YIF1A: variants seen among roughly 807,000 people sequenced by gnomAD.
YIF1A encodes Yip1 interacting factor homolog A, membrane trafficking protein.
A neutral mutation model predicts 32.6 loss-of-function variants in YIF1A; 28 were observed. The observed-to-expected ratio is 0.86, with a 90% CI of 0.64 to 1.18. The LOEUF (loss-of-function observed/expected upper bound fraction) is 1.18, where lower values mean the gene tolerates loss of function less well. YIF1A is among the 50% of genes most tolerant of loss of function. The pLI is 0.00. For missense variants in YIF1A, 373 were observed against 390.8 expected, an observed-to-expected ratio of 0.95 and a Z score of 0.38; for synonymous variants, 175 against 162.2, an observed-to-expected ratio of 1.08 and a Z score of -0.60.
chr11:66,286,669 G>C (rs1407855636), intron 4 of YIF1A, among the ~76,000 whole-genome samples: 3 of 152,164 alleles, frequency 2.0e-5, no homozygotes, highest in Non-Finnish European at 4.4e-5. Context: ...CCACCAGCGG[G>C]GAGTGTCTGG....
rs1219324861 is a variant in YIF1A, at chr11:66,287,607, A to G, written c.418T>C (p.Tyr140His). Residue 140 changes from tyrosine (Y) to histidine (H), a missense_variant, in exon 4 of 8, where the codon TAT becomes CAT. Tyr to His is a moderately conservative substitution (Grantham distance 83, BLOSUM62 2). Transcript: ENST00000376901. Reference sequence around the variant, plus strand: ...CAGGTTGGAGACTCACTGGGGATATAGAGGTCAGGGGCGTTGAGGTCTTGC... The same window carrying G: ...CAGGTTGGAGACTCACTGGGGATATGGAGGTCAGGGGCGTTGAGGTCTTGC... ...PRQDLNAPDL[Y>H]IPTMAFITYV... 1 of 1,612,832 alleles carries G rather than the reference A, an allele frequency of 6.2e-7. No homozygotes were observed. Among genetic ancestry groups the G allele is most frequent in the East Asian group, 2.2e-5 (1 of 44,852 alleles).
At chr11:66,288,859 C>A in intron 1 of YIF1A, 96 bp downstream of exon 1, 3 of 1,341,600 alleles carry the variant, frequency 2.2e-6, no homozygotes, top group Non-Finnish European at 2.9e-6. Flanking sequence ...CCGCCCTGGG[C>A]GGCGGTCCCA....
intron 4 of YIF1A, 80 bp downstream of exon 4, chr11:66,287,518 C>T (rs1340995966): frequency 6.8e-7 from 1 of 1,463,144 alleles, no homozygotes; most frequent in South Asian, 1.2e-5. Context: ...AGCTGCGCCT[C>T]TCTTCCCATT....
rs754452169 is a variant in YIF1A at position 66,284,898 on chromosome 11, G to A, written c.710C>T (p.Thr237Ile). ...AATGAAGTACATGAGCGCCGATGAGGTCCAGGCCAGCGCCACGTAGTAGCC... is the reference window on the plus strand; with the variant it reads ...AATGAAGTACATGAGCGCCGATGAGATCCAGGCCAGCGCCACGTAGTAGCC... ...SDGYYVALAW[T>I]SSALMYFIVR... Residue 237 changes from threonine (T) to isoleucine (I), a missense_variant, in exon 7 of 8, where the codon ACC (threonine) becomes ATC (isoleucine). Coordinates refer to ENST00000376901, the MANE Select transcript of YIF1A (RefSeq NM_020470.3). The A allele has an allele frequency of 3.7e-6, 6 of 1,613,336 alleles. No homozygotes were observed. Among genetic ancestry groups the A allele is most frequent in the Non-Finnish European group, 5.1e-6 (6 of 1,180,010 alleles).
chr11:66,285,044 G>A (rs1366517220), intron 6 of YIF1A, 78 bp from the exon 7 acceptor site: 1 of 1,455,028 alleles, frequency 6.9e-7, no homozygotes, highest in Non-Finnish European at 9.5e-7. Context: ...AACGCCCAGA[G>A]CCCAGCTAGA....
At chr11:66,285,629 C>T (rs1226762208) in intron 5 of YIF1A, 72 bp downstream of exon 5, 1 of 1,610,380 alleles carries the variant, frequency 6.2e-7, no homozygotes, top group Non-Finnish European at 8.5e-7. Flanking sequence ...TGGGGACCAC[C>T]ACATATGCCC....
At position 66,285,162 on chromosome 11, in the gene YIF1A, C is replaced by T. The variant is rs1857334270; in HGVS notation, c.642-196G>A. ...CAGCCCCAGGACCTGGATCTGAGAC[C>T]CCCTTCTCTCCCCAAGACTCGCAGA... On this transcript the variant is annotated intron_variant, in intron 6 of 7. Coordinates refer to ENST00000376901, the MANE Select transcript of YIF1A (RefSeq NM_020470.3). 3.4e-6 allele frequency: 3 copies of T among 872,464 alleles called. No homozygotes were observed. In the East Asian group the frequency reaches 7.9e-5, roughly 23 times the overall value. 54.0% of individuals were successfully genotyped at this position (872,464 alleles called of 1,614,324 possible).
chr11:66,284,826 T>C (rs749836986), intron 7 of YIF1A, 43 bp from the exon 8 acceptor site: 2 of 1,611,876 alleles, frequency 1.2e-6, no homozygotes, highest in South Asian at 2.2e-5. Flanking sequence ...AGGGGGAGGT[T>C]TGCCCTCAAG....
chr11:66,287,408 C>G (rs1168969749), intron 4 of YIF1A, 190 bp downstream of exon 4: 2 of 642,480 alleles, frequency 3.1e-6, no homozygotes, highest in Admixed American at 2.6e-5. Context: ...ACACTGAAGG[C>G]GCATTCAGGA....
rs747495185 is a variant in YIF1A at position 66,289,016 on chromosome 11, G to A, written c.-31C>T. 8.3e-6 allele frequency: 13 copies of A among 1,572,624 alleles called. No individual in the cohort carries two copies. The highest frequency in any genetic ancestry group is 8.1e-5 in the South Asian group (7 of 86,638). ...CGACGCTCGCTGTCCCCGAGGGCCC[G>A]CTGCGCCGCCTCGTGGGTACGAATA... On this transcript the variant is annotated 5_prime_UTR_variant, in exon 1 of 8. Coordinates refer to ENST00000376901, the MANE Select transcript of YIF1A (RefSeq NM_020470.3).
chr11:66,287,963 C>G (rs1191993764), intron 2 of YIF1A, 47 bp from the exon 3 acceptor site: 1 of 1,604,178 alleles, frequency 6.2e-7, no homozygotes, highest in African/African-American at 1.3e-5. Context: ...CCCCAGGCCT[C>G]AGGGTGCCCC....
intron 5 of YIF1A, 25 bp downstream of exon 5, chr11:66,285,676 G>A (rs750326919): frequency 6.2e-7 from 1 of 1,613,138 alleles, no homozygotes; most frequent in Non-Finnish European, 8.5e-7. Flanking sequence ...GGGAGGGGAG[G>A]GTAAGGGAGG....
In YIF1A at chr11:66,284,737, C is replaced by T. The variant is rs769073102; in HGVS notation, c.782G>A (p.Gly261Asp). ...CTGGAGACGCTGCCGGGGGACGGGG[C>T]CCCCCATGCTGTCGGGGCCCAGGGC... ...TAALGPDSMG[G>D]PVPRQRLQLY... The change falls in exon 8 of 8, where the codon GGC becomes GAC. Residue 261 changes from glycine to aspartate, a missense_variant. Transcript: ENST00000376901. 3.1e-6 allele frequency: 5 copies of T among 1,611,930 alleles called. No individual in the cohort carries two copies. In the South Asian group the frequency reaches 4.4e-5, roughly 14 times the overall value.
intron 1 of YIF1A, 91 bp downstream of exon 1, chr11:66,288,864 G>A (rs1041773272): frequency 1.5e-6 from 2 of 1,374,360 alleles, no homozygotes; most frequent in African/African-American, 3.1e-5. Flanking sequence ...CTGGGCGGCG[G>A]TCCCAGTCGC....
rs758119078 is a variant in YIF1A at position 66,287,460 on chromosome 11, G to A, written c.427+138C>T. The A allele has an allele frequency of 9.6e-6, 10 of 1,042,458 alleles. No individual in the cohort carries two copies. In the Admixed American group the frequency reaches 1.7e-4, roughly 17 times the overall value. 64.6% of individuals were successfully genotyped at this position (1,042,458 alleles called of 1,614,324 possible). On this transcript the variant is annotated intron_variant, in intron 4 of 7. Coordinates refer to ENST00000376901, the MANE Select transcript of YIF1A (RefSeq NM_020470.3). The stretch of plus-strand genomic sequence containing the variant: ...CCCTGCACTGCCTGCCTGGTGTCTT[G>A]CAACTGCCACACATACACAAAGCAC...
At position 66,288,283 on chromosome 11, in the gene YIF1A, T is replaced by G. The variant is rs761061850; in HGVS notation, c.41A>C (p.His14Pro). Residue 14 changes from histidine (H) to proline (P), a missense_variant, in exon 2 of 8, where the codon CAC becomes CCC. Coordinates refer to ENST00000376901, the MANE Select transcript of YIF1A (RefSeq NM_020470.3). ...HSGYGAHGSK[H>P]RARAAPDPPP... ...GGGATCCGGGGCTGCCCGGGCCCTG[T>G]GCTTGGAGCCTGTGGGTTTGGAGGT... 6.2e-7 allele frequency: 1 copy of G among 1,614,058 alleles called. No individual in the cohort carries two copies. The highest frequency in any genetic ancestry group is 1.1e-5 in the South Asian group (1 of 91,092).
At chr11:66,288,021 C>A in intron 2 of YIF1A, 60 bp downstream of exon 2, 1 of 1,608,166 alleles carries the variant, frequency 6.2e-7, no homozygotes, top group Non-Finnish European at 8.5e-7. Flanking sequence ...GGGTGGAATC[C>A]CATGATGCCC....
intron 4 of YIF1A, among the ~76,000 whole-genome samples, chr11:66,286,486 A>C (rs1857358697): frequency 6.6e-6 from 1 of 152,186 alleles, no homozygotes; most frequent in African/African-American, 2.4e-5. Flanking sequence ...GCCTGGTGGC[A>C]GGCGCCTGTA....
At chr11:66,287,111 CAG>C (rs1013800253) in intron 4 of YIF1A, 3 of 161,052 alleles carry the variant, frequency 1.9e-5, no homozygotes, top group African/African-American at 4.8e-5. Flanking sequence ...GAAGGGATAA[CAG>C]AGCACGCCTT....
Sources: gnomAD v4.1 joint callset for allele counts (sites outside exome capture counted in the v4.1 genomes callset) on GRCh38, gnomAD v4.1.1 for gene constraint, MANE v1.5 for transcripts, NCBI Gene and HGNC (gene_info 2026-07-23, HGNC 2026-07-21) for gene names.